Variants in SLC35D4 observed in about 807,000 individuals in gnomAD.
SLC35D4 encodes solute carrier family 35 member D4, also known as UDP-N-acetylglucosamine transporter SLC35D4.
the SLC35D4 span, among the ~76,000 whole-genome samples, chr18:23,313,926 G>C: frequency 5.9e-5 from 9 of 152,216 alleles, no homozygotes; most frequent in African/African-American, 2.2e-4. Context: ...TTTCTAGGCT[G>C]CCTGGCTCTG....
chr18:23,377,819 C>A, the SLC35D4 span: 1 of 650,724 alleles, frequency 1.5e-6, no homozygotes, highest in East Asian at 3.5e-5. Context: ...TTTATTGAGG[C>A]TTTTTCTGCT....
chr18:23,250,385 TG>T, the SLC35D4 span, among the ~76,000 whole-genome samples: 1 of 152,148 alleles, frequency 6.6e-6, no homozygotes, highest in African/African-American at 2.4e-5. Context: ...GCTGATGACT[TG>T]GGAAACAGGA....
At chr18:23,352,286 T>G in the SLC35D4 span, 175 of 1,606,442 alleles carry the variant, frequency 1.1e-4, no homozygotes, top group African/African-American at 1.9e-3. Context: ...ATCCCAAAAA[T>G]CCACTGGAAG....
At chr18:23,381,076 T>G in the SLC35D4 span, among the ~76,000 whole-genome samples, 4 of 152,298 alleles carry the variant, frequency 2.6e-5, no homozygotes, top group Non-Finnish European at 5.9e-5. Context: ...TCATCAGAAA[T>G]GTAAGTCTCA....
the SLC35D4 span, chr18:23,373,764 CT>C: frequency 6.2e-7 from 1 of 1,613,194 alleles, no homozygotes; most frequent in Non-Finnish European, 8.5e-7. Context: ...GAGGAGGGCA[CT>C]GTGGAGAGGG....
chr18:23,364,996 G>T, the SLC35D4 span, among the ~76,000 whole-genome samples: 1 of 137,722 alleles, frequency 7.3e-6, no homozygotes, highest in African/African-American at 2.7e-5. Context: ...CTTTAAAAAT[G>T]ATGCCAGATA....
the SLC35D4 span, chr18:23,377,583 T>C: frequency 4.0e-6 from 6 of 1,493,878 alleles, no homozygotes; most frequent in Admixed American, 1.1e-4. Flanking sequence ...CAGTTTATCA[T>C]TCAAGTTAAA....
At chr18:23,432,793 C>T in the SLC35D4 span, among the ~76,000 whole-genome samples, 31 of 151,576 alleles carry the variant, frequency 2.0e-4, no homozygotes, top group African/African-American at 7.0e-4. Context: ...CCAGCCTGGG[C>T]GACATGGTGA....
chr18:23,385,855 G>A, the SLC35D4 span, among the ~76,000 whole-genome samples: 2 of 152,072 alleles, frequency 1.3e-5, no homozygotes, highest in African/African-American at 2.4e-5. Context: ...CCTAAGGCCG[G>A]GCGTGGTGGC....
the SLC35D4 span, among the ~76,000 whole-genome samples, chr18:23,282,157 T>G: frequency 6.6e-6 from 1 of 152,224 alleles, no homozygotes; most frequent in African/African-American, 2.4e-5. Flanking sequence ...CGAAGACACA[T>G]GTGCAGACAC....
At chr18:23,306,165 T>A in the SLC35D4 span, among the ~76,000 whole-genome samples, 94 of 151,816 alleles carry the variant, frequency 6.2e-4, no homozygotes, top group Non-Finnish European at 1.2e-3. Context: ...CCAGCCAGCA[T>A]GGTGGTCCTT....
At chr18:23,408,148 G>GACACACACACAC in the SLC35D4 span, among the ~76,000 whole-genome samples, 9 of 136,320 alleles carry the variant, frequency 6.6e-5, no homozygotes, top group Non-Finnish European at 7.6e-5. Context: ...ACTGGCCTGA[G>GACACACACACAC]ACACACACAC....
At chr18:23,362,605 AC>A in the SLC35D4 span, among the ~76,000 whole-genome samples, 1 of 152,166 alleles carries the variant, frequency 6.6e-6, no homozygotes, top group Non-Finnish European at 1.5e-5. Flanking sequence ...TCTCAAACAA[AC>A]AAACAAACAA....
chr18:23,373,827 G>T, the SLC35D4 span: 1 of 1,566,636 alleles, frequency 6.4e-7, no homozygotes, highest in Non-Finnish European at 8.7e-7. Context: ...CCCTAAGAGC[G>T]TGGAGGTGAA....
At chr18:23,291,882 G>A in the SLC35D4 span, among the ~76,000 whole-genome samples, 15 of 151,948 alleles carry the variant, frequency 9.9e-5, no homozygotes, top group Admixed American at 5.9e-4. Flanking sequence ...GCTTCTCTCC[G>A]GGCTGGGCTC....
chr18:23,355,265 CA>C, the SLC35D4 span, among the ~76,000 whole-genome samples: 1 of 152,090 alleles, frequency 6.6e-6, no homozygotes, highest in Non-Finnish European at 1.5e-5. Context: ...TTAAAAGGGG[CA>C]AAAATAGAGC....
the SLC35D4 span, among the ~76,000 whole-genome samples, chr18:23,250,439 G>C: frequency 1.3e-5 from 2 of 152,222 alleles, no homozygotes; most frequent in African/African-American, 4.8e-5. Flanking sequence ...GAGCATGTTA[G>C]ATGTGGCCCC....
chr18:23,281,541 C>T, the SLC35D4 span, among the ~76,000 whole-genome samples: 12 of 152,058 alleles, frequency 7.9e-5, no homozygotes, highest in Admixed American at 3.3e-4. Flanking sequence ...GTTACCCAGA[C>T]GCCTTGAACT....
At chr18:23,276,244 CGT>C in the SLC35D4 span, among the ~76,000 whole-genome samples, 2 of 151,988 alleles carry the variant, frequency 1.3e-5, no homozygotes, top group African/African-American at 4.8e-5. Context: ...CCCACCAAAA[CGT>C]CCGGCTAATT....
Sources: allele counts gnomAD v4.1 joint callset (sites outside exome capture counted in the v4.1 genomes callset), GRCh38; gene constraint gnomAD v4.1.1; transcripts MANE v1.5; gene names NCBI Gene and HGNC (gene_info 2026-07-23, HGNC 2026-07-21).